The following CPNE6 variants were observed in gnomAD, a reference collection of about 807,000 sequenced individuals.
CPNE6 encodes the protein copine-6.
A neutral mutation model predicts 71.5 loss-of-function variants in CPNE6; 33 were observed. The ratio of observed to expected loss-of-function variants is 0.46; its 90% CI spans 0.35 to 0.62. The LOEUF is 0.62. CPNE6 is among the 20% of genes least tolerant of loss of function. CPNE6 has a pLI of 0.00. For synonymous variants in CPNE6, 296 were observed against 293.0 expected, an observed-to-expected ratio of 1.01 and a Z score of -0.10; for missense variants, 576 against 747.3, an observed-to-expected ratio of 0.77 and a Z score of 2.67.
chr14:24,071,161 C>T (rs2035883433), intron 1 of CPNE6: 7 of 1,091,468 alleles, frequency 6.4e-6, no homozygotes, highest in Admixed American at 4.3e-5. Flanking sequence ...GTGTATCCGC[C>T]GGGGGCTGTA....
In CPNE6 at chr14:24,075,723, C is replaced by G; in HGVS notation, c.865-104C>G. 7.3e-7 allele frequency: 1 copy of G among 1,376,348 alleles called. No homozygotes were observed. The highest frequency in any genetic ancestry group is 1.2e-5 in the South Asian group (1 of 81,532). The allele number at this position is 1,376,348 out of a possible 1,614,324, so 85.3% of individuals were successfully genotyped here. ...ACTGGAAACCACCCCCAACTGCAAC[C>G]CAAAAAACTCTGGCTCCCCCATGTT... is the stretch of plus-strand genomic sequence containing the variant. On this transcript the variant is annotated intron_variant, in intron 10 of 17. Coordinates refer to ENST00000397016, the Ensembl canonical transcript of CPNE6. The surrounding 1 kb of genome is among the most constrained non-coding windows in gnomAD (Gnocchi z 4.3).
intron 14 of CPNE6, 85 bp from the exon 14 acceptor site, chr14:24,076,794 C>A (rs1339773368): frequency 2.5e-6 from 4 of 1,595,064 alleles, no homozygotes; most frequent in African/African-American, 1.3e-5. Flanking sequence ...AGTCCTCAGA[C>A]CTGGAAGCAT....
rs759576981 is a variant in CPNE6 at position 24,077,528 on chromosome 14, C to T, written c.1537-65C>T. The T allele has an allele frequency of 5.7e-6, 9 of 1,590,324 alleles. No individual in the cohort carries two copies. Among genetic ancestry groups the T allele is most frequent in the Non-Finnish European group, 7.7e-6 (9 of 1,163,780 alleles). ...GGCCACCCTGAAGCCCCACTTCTCCCTCAGATGACCCTGCCTCCCCTACTC... is the reference window on the plus strand; with the variant it reads ...GGCCACCCTGAAGCCCCACTTCTCCTTCAGATGACCCTGCCTCCCCTACTC... On this transcript the variant is annotated intron_variant, in intron 16 of 17. Transcript: ENST00000397016. This position sits in a 1 kb window ranked among gnomAD's most constrained non-coding sequence, Gnocchi z 6.1.
chr14:24,071,965 A>G, intron 2 of CPNE6: 1 of 313,282 alleles, frequency 3.2e-6, no homozygotes, highest in Non-Finnish European at 6.0e-6. Context: ...GACACACGAC[A>G]TGGGGGGACA....
Position 24,074,224 on chromosome 14 carries a change from G to C in CPNE6, c.424-67G>C. ...ATGCCCAGGACCACCCCCACCTAAG[G>C]GAAAGGGGATGGGGTGGCCCTTGTG... On this transcript the variant is annotated intron_variant, in intron 5 of 17. Coordinates refer to ENST00000397016, the Ensembl canonical transcript of CPNE6. The surrounding 1 kb of genome is among the most constrained non-coding windows in gnomAD (Gnocchi z 4.5). 6.3e-7 allele frequency: 1 copy of C among 1,594,952 alleles called. No individual in the cohort carries two copies. Among genetic ancestry groups the C allele is most frequent in the Admixed American group, 1.7e-5 (1 of 59,964 alleles).
At chr14:24,071,087 T>TTG in intron 1 of CPNE6, 1 of 1,461,482 alleles carries the variant, frequency 6.8e-7, no homozygotes, top group Non-Finnish European at 9.3e-7. Context: ...TATATGTGAC[T>TTG]GCAGATATCC....
exon 12 of CPNE6, chr14:24,076,179 G>C: frequency 6.2e-7 from 1 of 1,613,976 alleles, no homozygotes; most frequent in Non-Finnish European, 8.5e-7. Context: ...CTCCAATGGG[G>C]ACCCGAGGAG....
At chr14:24,076,167 G>A (rs1233557981) in exon 12 of CPNE6, 4 of 1,613,638 alleles carry the variant, frequency 2.5e-6, no homozygotes, top group South Asian at 1.1e-5. Flanking sequence ...TGACTTCACC[G>A]CCTCCAATGG....
At chr14:24,076,041 T>A in intron 11 of CPNE6, 108 bp from the exon 11 acceptor site, 1 of 1,528,840 alleles carries the variant, frequency 6.5e-7, no homozygotes, top group South Asian at 1.2e-5. Flanking sequence ...TGGCTACCTG[T>A]AGCCTCCCCA....
At position 24,077,115 on chromosome 14, in the gene CPNE6, C is replaced by A; in HGVS notation, c.1300-39C>A. On this transcript the variant is annotated intron_variant, in intron 15 of 17. Coordinates refer to ENST00000397016, the Ensembl canonical transcript of CPNE6. The surrounding 1 kb of genome is among the most constrained non-coding windows in gnomAD (Gnocchi z 6.1). ...TGGAAACGGTGTCAACGCCCTTGCACACAAAGCCAACCCTTCCACCCTCTC... is the reference window on the plus strand; with the variant it reads ...TGGAAACGGTGTCAACGCCCTTGCAAACAAAGCCAACCCTTCCACCCTCTC... 6.3e-7 allele frequency: 1 copy of A among 1,594,542 alleles called. No individual in the cohort carries two copies. The highest frequency in any genetic ancestry group is 8.5e-7 in the Non-Finnish European group (1 of 1,174,616).
Position 24,073,024 on chromosome 14 carries a change from G to A in CPNE6, c.88G>A (p.Gly30Ser). 1 of 1,578,164 alleles carries A rather than the reference G, an allele frequency of 6.3e-7. No homozygotes were observed. ...GGTGGAGCTGCGGGTGTCCTGCCAT[G>A]GCCTCCTGGACCGGGACACACTCAC... Residue 30 changes from glycine to serine, a missense_variant, in exon 3 of 18, where the codon GGC becomes AGC. Around this residue, in one of 4 missense-constraint regions of CPNE6, gnomAD observed 89 missense variants for 80.4 expected, o/e 1.11. Coordinates refer to ENST00000397016, the Ensembl canonical transcript of CPNE6. This position sits in a 1 kb window ranked among gnomAD's most constrained non-coding sequence, Gnocchi z 5.5.
rs1436338770 is a variant in CPNE6, at chr14:24,073,736, G to T, written c.348+58G>T. 1.4e-5 allele frequency: 21 copies of T among 1,545,760 alleles called. No individual in the cohort carries two copies. In the East Asian group the frequency reaches 4.3e-4, roughly 32 times the overall value. The stretch of plus-strand genomic sequence containing the variant: ...CCTACCTCCATCAGCTTTGCCTCTG[G>T]AAGCCAAAAAGAGAGAAAACATGAG... On this transcript the variant is annotated intron_variant, in intron 4 of 17. Coordinates refer to ENST00000397016, the Ensembl canonical transcript of CPNE6. The surrounding 1 kb of genome is among the most constrained non-coding windows in gnomAD (Gnocchi z 5.5).
Position 24,077,263 on chromosome 14 carries a change from G to A in CPNE6, c.1409G>A (p.Gly470Asp). 1 of 1,613,726 alleles carries A rather than the reference G, an allele frequency of 6.2e-7. No individual in the cohort carries two copies. Among genetic ancestry groups the A allele is most frequent in the Non-Finnish European group, 8.5e-7 (1 of 1,180,020 alleles). Residue 470 changes from glycine to aspartate, a missense_variant, in exon 16 of 18, where the codon GGC becomes GAC. Gly to Asp is a moderately conservative substitution (Grantham distance 94, BLOSUM62 -1). This residue lies in a region of CPNE6 where 264 missense variants were observed against 339.9 expected (regional missense o/e 0.78). Transcript: ENST00000397016. The surrounding 1 kb of genome is among the most constrained non-coding windows in gnomAD (Gnocchi z 6.1). The stretch of plus-strand genomic sequence containing the variant: ...CTGCCCATGTCCATCATCATCGTAG[G>A]CGTGGGCAATGCTGACTTCTCTGAC...
chr14:24,077,147 C>G lies in CPNE6; in HGVS notation c.1300-7C>G. 6.3e-7 allele frequency: 1 copy of G among 1,599,244 alleles called. No individual in the cohort carries two copies. Among genetic ancestry groups the G allele is most frequent in the Non-Finnish European group, 8.5e-7 (1 of 1,176,972 alleles). On this transcript the variant is annotated splice_polypyrimidine_tract_variant and splice_region_variant and intron_variant, in intron 15 of 17. Coordinates refer to ENST00000397016, the Ensembl canonical transcript of CPNE6. The surrounding 1 kb of genome is among the most constrained non-coding windows in gnomAD (Gnocchi z 6.1). The stretch of plus-strand genomic sequence containing the variant: ...CCAACCCTTCCACCCTCTCTGCTTG[C>G]CCTCAGAAGTACTCGGTGCTGCTGG...
intron 1 of CPNE6, 61 bp from the exon 1 acceptor site, chr14:24,071,501 G>GCGGGCCCCCCCCCCC: frequency 1.4e-6 from 2 of 1,416,704 alleles, no homozygotes; most frequent in Non-Finnish European, 1.9e-6. Flanking sequence ...CTGGTGCTGC[G>GCGGGCCCCCCCCCCC]CCCCCCCCCA....
chr14:24,071,674 AGCCCAGCCCAGCTTG>A (rs2035907098), intron 2 of CPNE6, 33 bp downstream of exon 1: 1 of 715,206 alleles, frequency 1.4e-6, no homozygotes, highest in African/African-American at 2.0e-5. Flanking sequence ...GCCCAGCCCC[AGCCCAGCCCAGCTTG>A]GCCCAGTCTC....
At chr14:24,071,175 G>A (rs746543639) in intron 1 of CPNE6, 14 of 1,034,028 alleles carry the variant, frequency 1.4e-5, no homozygotes, top group Non-Finnish European at 2.0e-5. Context: ...GGCTGTAACT[G>A]TCGTGGTGTC....
At chr14:24,076,711 C>G (rs2036078988) in intron 14 of CPNE6, 154 bp downstream of exon 13, 1 of 1,429,172 alleles carries the variant, frequency 7.0e-7, no homozygotes, top group African/African-American at 1.4e-5. Context: ...GGCCCAGCAT[C>G]TGCACCCAAC....
intron 2 of CPNE6, chr14:24,072,705 G>A (rs545277362): frequency 9.9e-6 from 4 of 402,742 alleles, no homozygotes; most frequent in South Asian, 1.7e-4. Flanking sequence ...CCCCATCCAC[G>A]CATACCTAGG....
Sources: gnomAD v4.1 joint callset for allele counts on GRCh38, gnomAD v4.1.1 for gene constraint, gnomAD v4.1.1 regional missense constraint, Gnocchi (gnomAD v3.1) non-coding constraint, MANE v1.5 for transcripts, NCBI Gene and HGNC (gene_info 2026-07-23, HGNC 2026-07-21) for gene names.